The following CPA5 variants were observed in gnomAD, a reference collection of about 807,000 sequenced individuals.
CPA5 encodes the protein carboxypeptidase A5.
In CPA5, 38 loss-of-function variants were observed where a neutral mutation model predicts 52.2. The ratio of observed to expected loss-of-function variants is 0.73; its 90% confidence interval spans 0.56 to 0.95. The LOEUF (loss-of-function observed/expected upper bound fraction) is 0.95, where lower values mean the gene tolerates loss of function less well. Among genes scored for constraint, CPA5 ranks in the 40% least tolerant of loss-of-function variants. CPA5 has a pLI of 0.00. For missense variants in CPA5, 519 were observed against 566.7 expected (o/e 0.92, Z 0.86); for synonymous variants, 198 against 213.7 (o/e 0.93, Z 0.64).
rs374450319 is a variant in CPA5 at position 130,361,217 on chromosome 7, T to G, written c.507T>G (p.Phe169Leu). 32 of 1,613,582 alleles carry G rather than the reference T, an allele frequency of 2.0e-5. No individual in the cohort carries two copies. Among genetic ancestry groups the G allele is most frequent in the Non-Finnish European group, 2.5e-5 (30 of 1,179,590 alleles). ...CAAAAATTCAGATTGGCAACAGCTT[T>G]GAAAACCAGTCCATTCTTGTCCTGA... Reference protein sequence around the residue: ...IVSKIQIGNSFENQSILVLKF... With the variant: ...IVSKIQIGNSLENQSILVLKF... Residue 169 changes from phenylalanine (F) to leucine (L), a missense_variant, in exon 7 of 13, where the codon TTT becomes TTG. By Grantham distance (22) the Phe-to-Leu change is conservative (BLOSUM62 0). Coordinates refer to ENST00000474905, the MANE Select transcript of CPA5 (RefSeq NM_080385.5).
Position 130,367,365 on chromosome 7 carries a change from C to T in CPA5, c.839-7C>T, listed in dbSNP as rs201940052. On this transcript the variant is annotated splice_region_variant and splice_polypyrimidine_tract_variant and intron_variant, in intron 10 of 12. Coordinates refer to ENST00000474905, the MANE Select transcript of CPA5 (RefSeq NM_080385.5). Reference sequence around the variant, plus strand: ...TGACTCTTTGGGTGGCTTTATTTTACTTCCAGGAAATGGTTCTAACAGCAA... The same window carrying T: ...TGACTCTTTGGGTGGCTTTATTTTATTTCCAGGAAATGGTTCTAACAGCAA... 102 of 1,613,834 alleles carry T rather than the reference C, an allele frequency of 6.3e-5. No individual in the cohort carries two copies. The South Asian group carries it at 1.1e-3, about 17-fold the overall frequency.
downstream of CPA5, among the ~76,000 whole-genome samples, chr7:130,372,853 A>G (rs1262279269): frequency 6.6e-6 from 1 of 152,210 alleles, no homozygotes; most frequent in African/African-American, 2.4e-5. Context: ...GAGGCCTCAG[A>G]ACCCATTTCT....
At chr7:130,353,676 T>C (rs1795312992) in intron 5 of CPA5, among the ~76,000 whole-genome samples, 1 of 152,146 alleles carries the variant, frequency 6.6e-6, no homozygotes, top group African/African-American at 2.4e-5. Flanking sequence ...GAATGGATCT[T>C]AGCACATCCC....
intron 7 of CPA5, 76 bp downstream of exon 7, chr7:130,361,320 T>A: frequency 9.6e-7 from 1 of 1,037,876 alleles, no homozygotes; most frequent in South Asian, 1.3e-5. Flanking sequence ...TATGGGGTAG[T>A]GGCTGGGCGG....
chr7:130,359,670 T>C lies in CPA5; in HGVS notation c.415T>C (p.Tyr139His), dbSNP rs782422720. The change falls in exon 6 of 13, where the codon TAC becomes CAC. Residue 139 changes from tyrosine (Y) to histidine (H), a missense_variant. By Grantham distance (83) the Tyr-to-His change is moderately conservative. Transcript: ENST00000474905. The stretch of plus-strand genomic sequence containing the variant: ...CACCAACAGCTTCAGTTACTCATCA[T>C]ACCACACCCTGGAGGAGGTAGGTCT... ...RSTNSFSYSS[Y>H]HTLEEIYSWI... 1.9e-6 allele frequency: 3 copies of C among 1,584,674 alleles called. No individual in the cohort carries two copies. The South Asian group carries it at 3.5e-5, about 18-fold the overall frequency.
intron 5 of CPA5, among the ~76,000 whole-genome samples, chr7:130,358,156 C>G (rs1584813068): frequency 6.6e-6 from 1 of 152,012 alleles, no homozygotes; most frequent in Admixed American, 6.6e-5. Flanking sequence ...CCAAGCCTGA[C>G]TAATTTTTTA....
chr7:130,357,227 C>G (rs190080918), intron 5 of CPA5, among the ~76,000 whole-genome samples: 9 of 152,302 alleles, frequency 5.9e-5, no homozygotes, highest in African/African-American at 1.7e-4. Context: ...TGTAAGCAAG[C>G]CAACTAGGCC....
intron 3 of CPA5, 95 bp from the exon 4 acceptor site, chr7:130,347,671 G>A (rs2117284037): frequency 9.4e-7 from 1 of 1,060,734 alleles, no homozygotes; most frequent in South Asian, 1.4e-5. Flanking sequence ...CTGGCCCTCA[G>A]CTGGGCCTCT....
chr7:130,346,697 G>A lies in CPA5; in HGVS notation c.116+96G>A. ...GGCTGCCCTGCTGGTGCCTGATCAAGGCGGAGAGTCAGGATGTGGGTTCCT... is the reference window on the plus strand; with the variant it reads ...GGCTGCCCTGCTGGTGCCTGATCAAAGCGGAGAGTCAGGATGTGGGTTCCT... On this transcript the variant is annotated intron_variant, in intron 3 of 12. Coordinates refer to ENST00000474905, the MANE Select transcript of CPA5 (RefSeq NM_080385.5). 4 of 957,588 alleles carry A rather than the reference G, an allele frequency of 4.2e-6. No individual in the cohort carries two copies. The South Asian group carries it at 4.3e-5, about 10-fold the overall frequency. 59.3% of individuals were successfully genotyped at this position (957,588 alleles called of 1,614,324 possible).
chr7:130,367,664 T>C, intron 11 of CPA5, 93 bp downstream of exon 11: 1 of 1,275,574 alleles, frequency 7.8e-7, no homozygotes, highest in Non-Finnish European at 1.1e-6. Flanking sequence ...GTTGTTACTC[T>C]GAATGCAGGG....
intron 10 of CPA5, among the ~76,000 whole-genome samples, chr7:130,365,905 G>A (rs1489716532): frequency 2.6e-5 from 4 of 152,192 alleles, no homozygotes; most frequent in Non-Finnish European, 2.9e-5. Context: ...CTGTTAGATG[G>A]GCTGATTCCA....
chr7:130,348,252 T>C (rs992284636), intron 4 of CPA5, among the ~76,000 whole-genome samples: 11 of 152,228 alleles, frequency 7.2e-5, no homozygotes, highest in Non-Finnish European at 1.6e-4. Flanking sequence ...ACCTGTATTT[T>C]ATCTGGGTTC....
At chr7:130,360,039 A>G (rs935695671) in intron 6 of CPA5, among the ~76,000 whole-genome samples, 1 of 152,232 alleles carries the variant, frequency 6.6e-6, no homozygotes, top group African/African-American at 2.4e-5. Flanking sequence ...GAGCGTCGCC[A>G]TCTTGAACAA....
At chr7:130,347,408 C>T (rs1794833172) in intron 3 of CPA5, among the ~76,000 whole-genome samples, 1 of 152,174 alleles carries the variant, frequency 6.6e-6, no homozygotes, top group Admixed American at 6.5e-5. Flanking sequence ...ATTCCTTTCT[C>T]CCCTTCATTC....
In CPA5 at chr7:130,347,791, A is replaced by C. The variant is rs782569549; in HGVS notation, c.142A>C (p.Lys48Gln). Reference protein sequence around the residue: ...TGDQVLRVLAKDEKQLSLLGD... With the variant: ...TGDQVLRVLAQDEKQLSLLGD... ...GGACCAGGTTCTTCGAGTCCTGGCC[A>C]AAGATGAGAAGCAGCTTTCACTTCT... Residue 48 changes from lysine (K) to glutamine (Q), a missense_variant, in exon 4 of 13, where the codon AAA becomes CAA. By Grantham distance (53) the Lys-to-Gln change is moderately conservative. Coordinates refer to ENST00000474905, the MANE Select transcript of CPA5 (RefSeq NM_080385.5). 6.2e-7 allele frequency: 1 copy of C among 1,613,944 alleles called. No homozygotes were observed. The highest frequency in any genetic ancestry group is 1.3e-5 in the African/African-American group (1 of 74,966).
chr7:130,346,630 G>A (rs965405452), intron 3 of CPA5, 29 bp downstream of exon 3: 1 of 1,575,042 alleles, frequency 6.3e-7, no homozygotes, highest in Non-Finnish European at 8.7e-7. Flanking sequence ...GTGGGAGGGA[G>A]GACTGGCTGG....
At position 130,367,973 on chromosome 7, in the gene CPA5, G is replaced by A; in HGVS notation, c.1106G>A (p.Ser369Asn). ...KVHGIEYIFG[S>N]ISTTLYVASG... is the part of the protein sequence containing the mutation. Reference sequence around the variant, plus strand: ...CATGGGATCGAGTACATTTTTGGCAGCATCAGCACCACCCTCTGTGAGTGA... The same window carrying A: ...CATGGGATCGAGTACATTTTTGGCAACATCAGCACCACCCTCTGTGAGTGA... The change falls in exon 12 of 13, where the codon AGC becomes AAC. Residue 369 changes from serine (S) to asparagine (N), a missense_variant. Coordinates refer to ENST00000474905, the MANE Select transcript of CPA5 (RefSeq NM_080385.5). 3.1e-6 allele frequency: 5 copies of A among 1,614,182 alleles called. No homozygotes were observed. The highest frequency in any genetic ancestry group is 4.2e-6 in the Non-Finnish European group (5 of 1,180,000).
At chr7:130,354,767 G>A (rs2117358586) in intron 5 of CPA5, among the ~76,000 whole-genome samples, 2 of 151,782 alleles carry the variant, frequency 1.3e-5, no homozygotes, top group South Asian at 4.2e-4. Flanking sequence ...TGCCCAGGGT[G>A]GAGTAAAGTG....
intron 10 of CPA5, among the ~76,000 whole-genome samples, chr7:130,366,297 G>A (rs983212635): frequency 6.6e-6 from 1 of 152,166 alleles, no homozygotes; most frequent in Non-Finnish European, 1.5e-5. Context: ...AAGTTGAGGC[G>A]ATCCCTGATC....
Sources: gnomAD v4.1 joint callset for allele counts (sites outside exome capture counted in the v4.1 genomes callset) on GRCh38, gnomAD v4.1.1 for gene constraint, MANE v1.5 for transcripts, NCBI Gene and HGNC (gene_info 2026-07-23, HGNC 2026-07-21) for gene names.